Variants in M6PR observed in about 807,000 individuals in gnomAD.
The protein encoded by M6PR is mannose-6-phosphate receptor, cation dependent.
A neutral mutation model predicts 33.1 loss-of-function variants in M6PR; 19 were observed. That is an observed-to-expected ratio of 0.57 (90% CI 0.40 to 0.84). The LOEUF is 0.84. Among genes scored for constraint, M6PR ranks in the 40% least tolerant of loss-of-function variants. The pLI is 0.00. For synonymous variants in M6PR, 111 were observed against 123.4 expected, an observed-to-expected ratio of 0.90 and a Z score of 0.67; for missense variants, 295 against 336.0, an observed-to-expected ratio of 0.88 and a Z score of 0.95.
chr12:8,945,412 TCTTA>T lies in M6PR; in HGVS notation c.343+2_343+5del, dbSNP rs1946079813. Reference sequence around the variant, plus strand: ...CAATCGATGGTAGGAAGGGGAGTTTTCTTACTTCCGTTGAAGATGTGAGTCTCGT... The same window carrying T: ...CAATCGATGGTAGGAAGGGGAGTTTTCTTCCGTTGAAGATGTGAGTCTCGT... On this transcript the variant is annotated splice_donor_variant and splice_donor_5th_base_variant and intron_variant, in intron 3 of 6. Coordinates refer to ENST00000000412, the MANE Select transcript of M6PR (RefSeq NM_002355.4). LOFTEE classifies it high-confidence loss of function. 3.1e-6 allele frequency: 5 copies of T among 1,613,932 alleles called. No individual in the cohort carries two copies. Among genetic ancestry groups the T allele is most frequent in the African/African-American group, 1.3e-5 (1 of 75,022 alleles).
chr12:8,942,874 G>GAA (rs11376818), intron 5 of M6PR, among the ~76,000 whole-genome samples: 10 of 151,382 alleles, frequency 6.6e-5, no homozygotes, highest in Non-Finnish European at 1.2e-4. Flanking sequence ...TGCAGTAGGG[G>GAA]AAAAAAGCAC....
Position 8,943,255 on chromosome 12 carries a change from T to C in M6PR, c.584+150A>G, listed in dbSNP as rs1013470432. On this transcript the variant is annotated intron_variant, in intron 5 of 6. Coordinates refer to ENST00000000412, the MANE Select transcript of M6PR (RefSeq NM_002355.4). ...GCGTGAGCCCTGTGTCCTGGCAGAA[T>C]TATTTTATAGCCAGAGGATTTAAAA... 5 of 1,006,286 alleles carry C rather than the reference T, an allele frequency of 5.0e-6. No homozygotes were observed. In the African/African-American group the frequency reaches 6.6e-5, roughly 13 times the overall value. The allele number at this position is 1,006,286 out of a possible 1,614,324, so 62.3% of individuals were successfully genotyped here. A position where few individuals can be genotyped will look rare whatever the true frequency, so the allele number is the denominator to read the frequency against.
At chr12:8,948,133 G>C (rs1488563277) in intron 1 of M6PR, among the ~76,000 whole-genome samples, 1 of 152,156 alleles carries the variant, frequency 6.6e-6, no homozygotes, top group Non-Finnish European at 1.5e-5. Flanking sequence ...GGGATGAAAG[G>C]TTAAACACCT....
chr12:8,942,269 G>A (rs1946025131), intron 6 of M6PR, 147 bp downstream of exon 6: 8 of 1,056,258 alleles, frequency 7.6e-6, no homozygotes, highest in Admixed American at 2.2e-5. Context: ...CTGTACTAGG[G>A]CAACTGTCTT....
At chr12:8,945,252 G>A (rs1946077271) in intron 3 of M6PR, 166 bp downstream of exon 3, 1 of 654,864 alleles carries the variant, frequency 1.5e-6, no homozygotes. Flanking sequence ...GGCTTACAGA[G>A]GAGCTGTGGA....
Position 8,943,802 on chromosome 12 carries a change from G to A in M6PR, c.452C>T (p.Ala151Val), listed in dbSNP as rs776616054. 1.2e-5 allele frequency: 20 copies of A among 1,611,706 alleles called. No homozygotes were observed. The highest frequency in any genetic ancestry group is 2.2e-5 in the East Asian group (1 of 44,882). The change falls in exon 4 of 7, where the codon GCG becomes GTG. Residue 151 changes from alanine to valine, a missense_variant and splice_region_variant. Transcript: ENST00000000412. ...VMISCNRHTL[A>V]DNFNPVSEER... ...CTTATACAACACAGGGTGCCTCACC[G>A]CTAGGGTGTGTCGATTGCAGGAGAT...
intron 3 of M6PR, among the ~76,000 whole-genome samples, chr12:8,944,692 G>T (rs1234392862): frequency 6.6e-6 from 1 of 152,126 alleles, no homozygotes; most frequent in Non-Finnish European, 1.5e-5. Flanking sequence ...AAAAATCAGT[G>T]GGTAAAGTTT....
In M6PR at chr12:8,943,891, G is replaced by C; in HGVS notation, c.363C>G (p.Ile121Met). 6.2e-7 allele frequency: 1 copy of C among 1,613,256 alleles called. No individual in the cohort carries two copies. Among genetic ancestry groups the C allele is most frequent in the South Asian group, 1.1e-5 (1 of 91,060 alleles). ...TGTCATATTCATCACCCCCTTTATA[G>C]ATCAGCATGATCCAATTACCTGAGG... The part of the protein sequence containing the change: ...IFNGSNWIML[I>M]YKGGDEYDNH... The change falls in exon 4 of 7, where the codon ATC becomes ATG. Residue 121 changes from isoleucine to methionine, a missense_variant. By Grantham distance (10) the Ile-to-Met change is conservative (BLOSUM62 1). Transcript: ENST00000000412.
rs1565530504 is a variant in M6PR at position 8,945,712 on chromosome 12, T to C, written c.177-128A>G. ...CGATTTATTTATTTGAGGTCATGGC[T>C]GAGTGAATATTTGTTTAATTTTAAG... On this transcript the variant is annotated intron_variant, in intron 2 of 6. Coordinates refer to ENST00000000412, the MANE Select transcript of M6PR (RefSeq NM_002355.4). The C allele has an allele frequency of 4.2e-6, 3 of 716,128 alleles. No individual in the cohort carries two copies. The South Asian group carries it at 5.8e-5, about 14-fold the overall frequency. 44.4% of individuals were successfully genotyped at this position (716,128 alleles called of 1,614,324 possible). A position where few individuals can be genotyped will look rare whatever the true frequency, so the allele number is the denominator to read the frequency against.
At position 8,946,342 on chromosome 12, in the gene M6PR, C is replaced by G. The variant is rs1372481512; in HGVS notation, c.63G>C (p.Val21=). The change falls in exon 2 of 7, where the codon GTG becomes GTC. Residue 21 remains valine (V), a synonymous_variant. Coordinates refer to ENST00000000412, the MANE Select transcript of M6PR (RefSeq NM_002355.4). ...GLLLLLLAVA[V]RESWQTEEKT... is the part of the protein sequence containing the mutation. The stretch of plus-strand genomic sequence containing the variant: ...TTTCTTCTGTCTGCCAGGATTCTCT[C>G]ACTGCCACAGCCAGGAGTAGTAGTA... 4 of 1,614,034 alleles carry G rather than the reference C, an allele frequency of 2.5e-6. No individual in the cohort carries two copies. The highest frequency in any genetic ancestry group is 3.4e-6 in the Non-Finnish European group (4 of 1,180,032).
rs753001030 is a variant in M6PR at position 8,946,303 on chromosome 12, C to T, written c.102G>A (p.Leu34=). 1 of 1,613,964 alleles carries T rather than the reference C, an allele frequency of 6.2e-7. No homozygotes were observed. The highest frequency in any genetic ancestry group is 1.3e-5 in the African/African-American group (1 of 74,888). ...CTGACTCTTTACCCTTTTCTCCTAC[C>T]AAGTCGCAAGTTTTTTCTTCTGTCT... ...SWQTEEKTCD[L]VGEKGKESEK... is the part of the protein sequence containing the mutation. Residue 34 remains leucine, a synonymous_variant, in exon 2 of 7, where the codon TTG becomes TTA. Coordinates refer to ENST00000000412, the MANE Select transcript of M6PR (RefSeq NM_002355.4).
chr12:8,948,611 A>G (rs1475846648), intron 1 of M6PR, among the ~76,000 whole-genome samples: 2 of 152,256 alleles, frequency 1.3e-5, no homozygotes, highest in Non-Finnish European at 2.9e-5. Context: ...CTTTGGAAAT[A>G]AGGAGCAGGA....
chr12:8,941,869 G>T lies in M6PR; in HGVS notation c.783C>A (p.Asp261Glu). The T allele has an allele frequency of 6.2e-7, 1 of 1,614,094 alleles. No individual in the cohort carries two copies. The highest frequency in any genetic ancestry group is 8.5e-7 in the Non-Finnish European group (1 of 1,179,986). ...TTTCTTCTGACTCCTCCCCCAGCTG[G>T]TCATCCCCCACACCACGATATGCTG... Reference protein sequence around the residue: ...VPAAYRGVGDDQLGEESEERD... With the variant: ...VPAAYRGVGDEQLGEESEERD... Residue 261 changes from aspartate to glutamate, a missense_variant, in exon 7 of 7, where the codon GAC becomes GAA. By Grantham distance (45) the Asp-to-Glu change is conservative (BLOSUM62 2). Transcript: ENST00000000412.
At position 8,945,513 on chromosome 12, in the gene M6PR, T is replaced by C. The variant is rs751187988; in HGVS notation, c.248A>G (p.Asn83Ser). ...CACCAGGCCTGCCCCAGAAGTGTGG[T>C]TGCCAGCTTCCCGGCACACCCTGAA... is the stretch of plus-strand genomic sequence containing the variant. ...YIFRVCREAGNHTSGAGLVQI... is the reference protein window; with the variant it reads ...YIFRVCREAGSHTSGAGLVQI... Residue 83 changes from asparagine to serine, a missense_variant, in exon 3 of 7, where the codon AAC becomes AGC. Transcript: ENST00000000412. The C allele has an allele frequency of 5.6e-6, 9 of 1,614,142 alleles. No homozygotes were observed. Among genetic ancestry groups the C allele is most frequent in the South Asian group, 5.5e-5 (5 of 91,080 alleles).
rs1003945350 is a variant in M6PR at position 8,943,837 on chromosome 12, T to G, written c.417A>C (p.Ala139=). Residue 139 remains alanine, a synonymous_variant, in exon 4 of 7, where the codon GCA becomes GCC. Coordinates refer to ENST00000000412, the MANE Select transcript of M6PR (RefSeq NM_002355.4). ...GTCGATTGCAGGAGATCATCACCAC[T>G]GCACGACGCTGCTCCTTGCCACAGT... ...DNHCGKEQRR[A]VVMISCNRHT... 8.1e-6 allele frequency: 13 copies of G among 1,613,260 alleles called. No individual in the cohort carries two copies. The highest frequency in any genetic ancestry group is 1.8e-4 in the Middle Eastern group (1 of 5,458).
At position 8,942,391 on chromosome 12, in the gene M6PR, T is replaced by TTCAACCAGC. The variant is rs771377321; in HGVS notation, c.711+16_711+24dup. 4 of 1,614,110 alleles carry TTCAACCAGC rather than the reference T, an allele frequency of 2.5e-6. No homozygotes were observed. In the East Asian group the frequency reaches 8.9e-5, roughly 36 times the overall value. On this transcript the variant is annotated intron_variant, in intron 6 of 6. Transcript: ENST00000000412. ...CCCAACCTTGTTTGCAGGCTACAAATTCAACCAGCTGCCCTGTTACTTACT... is the reference window on the plus strand; with the variant it reads ...CCCAACCTTGTTTGCAGGCTACAAATTCAACCAGCTCAACCAGCTGCCCTGTTACTTACT...
At chr12:8,943,668 C>A in intron 4 of M6PR, 133 bp from the exon 5 acceptor site, 1 of 1,360,778 alleles carries the variant, frequency 7.3e-7, no homozygotes, top group Non-Finnish European at 1.0e-6. Context: ...GCGTGTCTGA[C>A]ACAGAGAGAA....
chr12:8,943,814 C>A lies in M6PR; in HGVS notation c.440G>T (p.Arg147Leu). 1 of 1,612,684 alleles carries A rather than the reference C, an allele frequency of 6.2e-7. No homozygotes were observed. Among genetic ancestry groups the A allele is most frequent in the South Asian group, 1.1e-5 (1 of 91,014 alleles). ...RRAVVMISCN[R>L]HTLADNFNPV... Reference sequence around the variant, plus strand: ...AGGGTGCCTCACCGCTAGGGTGTGTCGATTGCAGGAGATCATCACCACTGC... The same window carrying A: ...AGGGTGCCTCACCGCTAGGGTGTGTAGATTGCAGGAGATCATCACCACTGC... The change falls in exon 4 of 7, where the codon CGA becomes CTA. Residue 147 changes from arginine (R) to leucine (L), a missense_variant. Physicochemically the swap from Arg to Leu is moderately radical, Grantham distance 102 (BLOSUM62 -2). Transcript: ENST00000000412.
Position 8,943,993 on chromosome 12 carries a change from G to A in M6PR, c.344-83C>T, listed in dbSNP as rs143681665. On this transcript the variant is annotated intron_variant, in intron 3 of 6. Coordinates refer to ENST00000000412, the MANE Select transcript of M6PR (RefSeq NM_002355.4). ...GGGTGGTATGGCAGAGTGGAATTGC[G>A]TAATTCATTGCAATTGGTTATAACT... The A allele has an allele frequency of 6.2e-3, 5,368 of 860,852 alleles. 45 individuals are homozygous for A. The highest frequency in any genetic ancestry group is 0.029 in the Middle Eastern group (126 of 4,380). The allele number at this position is 860,852 out of a possible 1,614,324, so 53.3% of individuals were successfully genotyped here.
Sources: allele counts gnomAD v4.1 joint callset (sites outside exome capture counted in the v4.1 genomes callset), GRCh38; gene constraint gnomAD v4.1.1; transcripts MANE v1.5; gene names NCBI Gene and HGNC (gene_info 2026-07-23, HGNC 2026-07-21).